EFR3A: variants seen among roughly 807,000 people sequenced by gnomAD.
EFR3A encodes EFR3 homolog A, also known as protein EFR3 homolog A.
A neutral mutation model predicts 104.4 loss-of-function variants in EFR3A; 76 were observed. The ratio of observed to expected loss-of-function variants is 0.73; its 90% CI spans 0.60 to 0.88. The LOEUF is 0.88. Ranked by LOEUF, EFR3A falls within the 40% of genes least tolerant of loss-of-function variation. The probability of loss-of-function intolerance (pLI) is 0.00; values close to 1 mark genes in which losing one functional copy is unlikely to be tolerated. For synonymous variants in EFR3A, 330 were observed against 330.0 expected (o/e 1.00, Z 0.00); for missense variants, 985 against 1,012.5 (o/e 0.97, Z 0.37).
rs746519542 is a variant in EFR3A, at chr8:131,976,112, T to C, written c.1245T>C (p.Ser415=). ...GGAAAGTACCTGTCTTTGGAACATC[T>C]ACCCATACTTTGGATATCAGTCAAC... ...IMGKVPVFGT[S]THTLDISQLG... is the part of the protein sequence containing the mutation. Residue 415 remains serine (S), a synonymous_variant, in exon 11 of 23, where the codon TCT becomes TCC. Coordinates refer to ENST00000254624, the MANE Select transcript of EFR3A (RefSeq NM_015137.6). 4 of 1,600,000 alleles carry C rather than the reference T, an allele frequency of 2.5e-6. No individual in the cohort carries two copies. The highest frequency in any genetic ancestry group is 2.3e-5 in the South Asian group (2 of 88,356).
chr8:131,924,160 A>G (rs1216614404), intron 1 of EFR3A: 9 of 425,760 alleles, frequency 2.1e-5, no homozygotes, highest in Non-Finnish European at 4.3e-5. Context: ...ATTTATTACC[A>G]GAGTATGATT....
In EFR3A at chr8:131,906,975, AT is replaced by A. The variant is rs200678699; in HGVS notation, c.10+2657del. Among the ~76,000 whole-genome samples the A allele has an allele frequency of 1.1e-3, 159 of 149,448 alleles. 1 individual carries two copies. The East Asian group carries it at 0.029, about 27-fold the overall frequency. On this transcript the variant is annotated intron_variant, in intron 1 of 22. Coordinates refer to ENST00000254624, the MANE Select transcript of EFR3A (RefSeq NM_015137.6). ...GAACGACTGTTAAAGCTTCTTCATC[AT>A]TTTATGTTGTGTATCGGGAAGCTGA...
At chr8:131,908,104 A>G (rs1307969856) in intron 1 of EFR3A, among the ~76,000 whole-genome samples, 2 of 151,194 alleles carry the variant, frequency 1.3e-5, no homozygotes, top group African/African-American at 4.9e-5. Context: ...TCTGTCGCCC[A>G]GGCTGGAGTG....
chr8:131,993,378 C>T (rs2130782596), intron 18 of EFR3A, among the ~76,000 whole-genome samples: 1 of 152,186 alleles, frequency 6.6e-6, no homozygotes, highest in South Asian at 2.1e-4. Context: ...TTACAGAACC[C>T]CTCCTAACCA....
At chr8:132,003,104 A>T in intron 21 of EFR3A, 132 bp from the exon 22 acceptor site, 1 of 701,890 alleles carries the variant, frequency 1.4e-6, no homozygotes, top group Non-Finnish European at 2.3e-6. Flanking sequence ...CCAAAACTTT[A>T]AAGCATTGTG....
chr8:131,946,597 G>A lies in EFR3A; in HGVS notation c.330G>A (p.Ser110=), dbSNP rs758473763. The change falls in exon 4 of 23, where the codon TCG becomes TCA. Residue 110 remains serine, a synonymous_variant. Coordinates refer to ENST00000254624, the MANE Select transcript of EFR3A (RefSeq NM_015137.6). The stretch of plus-strand genomic sequence containing the variant: ...ATATGGTGGCAAAGCTGCTGGAATC[G>A]GGGGAACCAAAGCTTCAAGTTCTTG... ...FLHMVAKLLE[S]GEPKLQVLGT... The A allele has an allele frequency of 1.1e-4, 182 of 1,603,592 alleles. 1 individual carries two copies. In the South Asian group the frequency reaches 1.6e-3, roughly 15 times the overall value.
In EFR3A at chr8:131,970,631, A is replaced by AT; in HGVS notation, c.1148dup (p.Gln384ProfsTer9). On this transcript the variant is annotated frameshift_variant, in exon 10 of 23. Coordinates refer to ENST00000254624, the MANE Select transcript of EFR3A (RefSeq NM_015137.6). LOFTEE classifies it high-confidence loss of function. ...TGAGAAGATTGTGCAGAATGCTATC[A>AT]TCCAAACAATAGGTGAGTACATTTC... is the stretch of plus-strand genomic sequence containing the variant. 6.2e-7 allele frequency: 1 copy of AT among 1,613,456 alleles called. No individual in the cohort carries two copies. The highest frequency in any genetic ancestry group is 8.5e-7 in the Non-Finnish European group (1 of 1,179,658).
In EFR3A at chr8:132,001,802, C is replaced by A. The variant is rs1001603534; in HGVS notation, c.2201C>A (p.Ala734Glu). The A allele has an allele frequency of 6.2e-7, 1 of 1,612,828 alleles. No individual in the cohort carries two copies. Among genetic ancestry groups the A allele is most frequent in the African/African-American group, 1.3e-5 (1 of 74,896 alleles). Residue 734 changes from alanine to glutamate, a missense_variant, in exon 20 of 23, where the codon GCA becomes GAA. Coordinates refer to ENST00000254624, the MANE Select transcript of EFR3A (RefSeq NM_015137.6). Reference protein sequence around the residue: ...EEITFEALKKAIDTSGMEEQE... With the variant: ...EEITFEALKKEIDTSGMEEQE... Reference sequence around the variant, plus strand: ...ATCACTTTTGAAGCATTGAAGAAAGCAATTGGTGAGATATTTTGCACTTGT... The same window carrying A: ...ATCACTTTTGAAGCATTGAAGAAAGAAATTGGTGAGATATTTTGCACTTGT...
intron 1 of EFR3A, among the ~76,000 whole-genome samples, chr8:131,918,438 T>C (rs1245142761): frequency 1.3e-5 from 2 of 152,266 alleles, no homozygotes; most frequent in African/African-American, 4.8e-5. Context: ...ATATCAGGCA[T>C]TGAACTTTGA....
At chr8:131,940,412 G>A in intron 1 of EFR3A, 87 bp from the exon 2 acceptor site, 1 of 1,220,116 alleles carries the variant, frequency 8.2e-7, no homozygotes, top group Non-Finnish European at 1.1e-6. Flanking sequence ...ATTTTATATA[G>A]CCCATTAATA....
chr8:131,985,018 T>G lies in EFR3A; in HGVS notation c.1827T>G (p.Ser609Arg). The G allele has an allele frequency of 1.2e-6, 2 of 1,613,694 alleles. No individual in the cohort carries two copies. The highest frequency in any genetic ancestry group is 1.7e-6 in the Non-Finnish European group (2 of 1,179,670). The change falls in exon 16 of 23, where the codon AGT (serine) becomes AGG (arginine). Residue 609 changes from serine (S) to arginine (R), a missense_variant. Ser to Arg is a moderately radical substitution (Grantham distance 110). Transcript: ENST00000254624. Reference protein sequence around the residue: ...ALVAAYLNFVSQMIAVPAFCQ... With the variant: ...ALVAAYLNFVRQMIAVPAFCQ... ...TTGCAGCATACCTCAACTTTGTAAGTCAGATGATAGCTGTCCCTGCATTTT... is the reference window on the plus strand; with the variant it reads ...TTGCAGCATACCTCAACTTTGTAAGGCAGATGATAGCTGTCCCTGCATTTT...
intron 1 of EFR3A, among the ~76,000 whole-genome samples, chr8:131,910,200 G>A (rs1285231236): frequency 6.6e-6 from 1 of 152,200 alleles, no homozygotes; most frequent in Admixed American, 6.5e-5. Context: ...GCTTTTTGGG[G>A]AACTCATTCT....
intron 8 of EFR3A, among the ~76,000 whole-genome samples, chr8:131,966,412 C>T (rs1819741733): frequency 6.6e-6 from 1 of 152,036 alleles, no homozygotes; most frequent in South Asian, 2.1e-4. Flanking sequence ...ATGAAATGCT[C>T]TTTTGTCGTC....
intron 17 of EFR3A, among the ~76,000 whole-genome samples, chr8:131,986,534 A>C (rs1586654901): frequency 6.6e-6 from 1 of 152,300 alleles, no homozygotes; most frequent in Admixed American, 6.5e-5. Context: ...CTGTAATCCT[A>C]ACACTTCGGG....
chr8:132,002,544 G>T, intron 20 of EFR3A, 59 bp from the exon 21 acceptor site: 2 of 1,400,998 alleles, frequency 1.4e-6, no homozygotes, highest in South Asian at 2.5e-5. Flanking sequence ...AACGGTCATT[G>T]ACTGGGTTCT....
intron 1 of EFR3A, among the ~76,000 whole-genome samples, chr8:131,911,092 C>T (rs1816490694): frequency 6.6e-6 from 1 of 152,102 alleles, no homozygotes; most frequent in Non-Finnish European, 1.5e-5. Context: ...CAGATTCTCA[C>T]CCAAAGTTTT....
At chr8:131,953,724 ATTTAC>A (rs2130618960) in intron 5 of EFR3A, 89 bp from the exon 6 acceptor site, 1 of 1,123,804 alleles carries the variant, frequency 8.9e-7, no homozygotes, top group Non-Finnish European at 1.2e-6. Flanking sequence ...AGATAACAGT[ATTTAC>A]TTGATATCCA....
chr8:131,945,503 A>G (rs1470580395), intron 3 of EFR3A, among the ~76,000 whole-genome samples: 1 of 152,056 alleles, frequency 6.6e-6, no homozygotes, highest in African/African-American at 2.4e-5. Context: ...TCTATTCTCC[A>G]AGTGATATAT....
chr8:131,943,602 AT>A (rs1818272344), intron 2 of EFR3A, among the ~76,000 whole-genome samples: 1 of 152,024 alleles, frequency 6.6e-6, no homozygotes. Context: ...ACTTAGGTTC[AT>A]TTGACATTTT....
Sources: gnomAD v4.1 joint callset for allele counts (sites outside exome capture counted in the v4.1 genomes callset) on GRCh38, gnomAD v4.1.1 for gene constraint, MANE v1.5 for transcripts, NCBI Gene and HGNC (gene_info 2026-07-23, HGNC 2026-07-21) for gene names.